The following SMURF1 variants were observed in gnomAD, a reference collection of about 807,000 sequenced individuals.
The protein encoded by SMURF1 is SMAD specific E3 ubiquitin protein ligase 1.
A neutral mutation model predicts 98.0 loss-of-function variants in SMURF1; 44 were observed. The ratio of observed to expected loss-of-function variants is 0.45; its 90% confidence interval spans 0.35 to 0.58. The LOEUF (loss-of-function observed/expected upper bound fraction) is 0.58. Ranked by LOEUF, SMURF1 falls within the 20% of genes least tolerant of loss-of-function variation. The pLI, the probability that SMURF1 is intolerant of heterozygous loss-of-function variation, is 0.00. For missense variants in SMURF1, 687 were observed against 938.4 expected, an observed-to-expected ratio of 0.73 and a Z score of 3.50; for synonymous variants, 396 against 374.9, an observed-to-expected ratio of 1.06 and a Z score of -0.65.
At chr7:99,032,964 C>CAAAAAAAAAACGTGAACGTCA in intron 17 of SMURF1, 73 bp downstream of exon 17, 4 of 1,308,774 alleles carry the variant, frequency 3.1e-6, no homozygotes, top group Non-Finnish European at 4.2e-6. Context: ...AAAAAAACAA[C>CAAAAAAAAAACGTGAACGTCA]AAAAAAAAAA....
At chr7:99,075,544 G>T (rs932987558) in intron 1 of SMURF1, among the ~76,000 whole-genome samples, 11 of 152,066 alleles carry the variant, frequency 7.2e-5, no homozygotes, top group African/African-American at 1.7e-4. Context: ...TAACCTGTGG[G>T]GTCTTTGCTA....
intron 1 of SMURF1, among the ~76,000 whole-genome samples, chr7:99,112,298 T>TAC (rs1187222073): frequency 6.6e-6 from 1 of 152,186 alleles, no homozygotes; most frequent in African/African-American, 2.4e-5. Context: ...CCTCACAACA[T>TAC]ACACACAGCC....
chr7:99,052,078 T>G, intron 7 of SMURF1, 127 bp downstream of exon 7: 1 of 1,321,312 alleles, frequency 7.6e-7, no homozygotes, highest in East Asian at 2.5e-5. Context: ...AAGGCTGCCG[T>G]GAGCCATGAT....
chr7:99,062,284 GA>G (rs942640750), intron 1 of SMURF1, among the ~76,000 whole-genome samples: 4 of 151,984 alleles, frequency 2.6e-5, no homozygotes, highest in Admixed American at 2.0e-4. Flanking sequence ...TTTTTGTAGA[GA>G]TAGGGCCACT....
chr7:99,040,437 G>A lies in SMURF1; in HGVS notation c.1491C>T (p.Ile497=). Residue 497 remains isoleucine (I), a synonymous_variant, in exon 13 of 18, where the codon ATC becomes ATT. Coordinates refer to ENST00000361368, the MANE Select transcript of SMURF1 (RefSeq NM_181349.3). The stretch of plus-strand genomic sequence containing the variant: ...CCACAGATTCCAGATCTGAGAGCTG[G>A]ATGGGCTTCCCCAGCAGCTGCTTGT... ...PFYKQLLGKP[I]QLSDLESVDP... 6.3e-7 allele frequency: 1 copy of A among 1,594,634 alleles called. No homozygotes were observed. The highest frequency in any genetic ancestry group is 8.5e-7 in the Non-Finnish European group (1 of 1,170,366).
At chr7:99,060,393 AAAAAG>A (rs1340766859) in intron 3 of SMURF1, among the ~76,000 whole-genome samples, 2 of 151,580 alleles carry the variant, frequency 1.3e-5, no homozygotes, top group Non-Finnish European at 2.9e-5. Context: ...AAAAAAAAAA[AAAAAG>A]AAAAAAGAAA....
At chr7:99,104,788 A>G (rs1584184316) in intron 1 of SMURF1, among the ~76,000 whole-genome samples, 1 of 152,194 alleles carries the variant, frequency 6.6e-6, no homozygotes, top group East Asian at 1.9e-4. Context: ...AGTAGGAATG[A>G]TTGGAAGCTG....
intron 1 of SMURF1, among the ~76,000 whole-genome samples, chr7:99,111,567 A>T (rs1797323973): frequency 6.6e-6 from 1 of 152,252 alleles, no homozygotes; most frequent in African/African-American, 2.4e-5. Context: ...AAAAACAATG[A>T]ATAACTGGCA....
chr7:99,082,729 G>C (rs1438478161), intron 1 of SMURF1, among the ~76,000 whole-genome samples: 1 of 152,130 alleles, frequency 6.6e-6, no homozygotes, highest in Non-Finnish European at 1.5e-5. Context: ...ATTTTAATCA[G>C]CTTGTCAAAT....
chr7:99,136,677 G>A (rs1797999980), intron 1 of SMURF1, among the ~76,000 whole-genome samples: 1 of 152,206 alleles, frequency 6.6e-6, no homozygotes, highest in Admixed American at 6.5e-5. Context: ...CTGGCTAGGT[G>A]CAGTGGCTCA....
intron 1 of SMURF1, among the ~76,000 whole-genome samples, chr7:99,120,299 TA>T (rs1211301667): frequency 1.3e-5 from 2 of 152,226 alleles, no homozygotes; most frequent in East Asian, 3.8e-4. Flanking sequence ...GGTATTTCTT[TA>T]TAGTAATGCA....
intron 1 of SMURF1, among the ~76,000 whole-genome samples, chr7:99,143,243 G>A (rs920320220): frequency 3.0e-5 from 4 of 131,794 alleles, no homozygotes; most frequent in African/African-American, 1.1e-4. Context: ...AGGGATGGAG[G>A]TGAAAGGCAA....
intron 5 of SMURF1, among the ~76,000 whole-genome samples, chr7:99,056,675 C>T (rs929390889): frequency 3.3e-5 from 5 of 152,122 alleles, no homozygotes; most frequent in African/African-American, 9.7e-5. Context: ...CTAAATCTTT[C>T]TGTACCCGAG....
intron 1 of SMURF1, among the ~76,000 whole-genome samples, chr7:99,120,023 A>G (rs2150620234): frequency 6.6e-6 from 1 of 152,308 alleles, no homozygotes; most frequent in Non-Finnish European, 1.5e-5. Flanking sequence ...TCATGGGCAC[A>G]GACCCCTCAT....
intron 1 of SMURF1, among the ~76,000 whole-genome samples, chr7:99,106,051 A>AT (rs1435230133): frequency 6.6e-6 from 1 of 152,166 alleles, no homozygotes; most frequent in Non-Finnish European, 1.5e-5. Flanking sequence ...GCTGGAATCA[A>AT]TCTGCCTCTC....
rs534401612 is a variant in SMURF1 at position 99,097,397 on chromosome 7, A to G, written c.56-35560T>C. On this transcript the variant is annotated intron_variant, in intron 1 of 17. Coordinates refer to ENST00000361368, the MANE Select transcript of SMURF1 (RefSeq NM_181349.3). ...AGTAAATGTTGGAAACTTCATCTTC[A>G]ATGCAACTGTGCTGGGAGGTGGACC... 1.0e-3 allele frequency among the ~76,000 whole-genome samples: 157 copies of G among 152,302 alleles called. 3 individuals are homozygous for G. The South Asian group carries it at 0.026, about 26-fold the overall frequency.
chr7:99,112,377 G>A (rs1259756023), intron 1 of SMURF1, among the ~76,000 whole-genome samples: 1 of 152,190 alleles, frequency 6.6e-6, no homozygotes, highest in Non-Finnish European at 1.5e-5. Flanking sequence ...AATCTCTAGT[G>A]ATTCATCAGC....
At chr7:99,097,423 T>A (rs140064250) in intron 1 of SMURF1, among the ~76,000 whole-genome samples, 3 of 152,204 alleles carry the variant, frequency 2.0e-5, no homozygotes, top group African/African-American at 7.2e-5. Context: ...GAGGTGGACC[T>A]CATGGGAGAT....
In SMURF1 at chr7:99,067,179, G is replaced by A. The variant is rs1476769553; in HGVS notation, c.56-5342C>T. On this transcript the variant is annotated intron_variant, in intron 1 of 17. Transcript: ENST00000361368. Reference sequence around the variant, plus strand: ...TGCCCGGCTAATTTTTTTATTTTTAGTAGAGACGGGGTTTCACCATATTGG... The same window carrying A: ...TGCCCGGCTAATTTTTTTATTTTTAATAGAGACGGGGTTTCACCATATTGG... 2.0e-5 allele frequency among the ~76,000 whole-genome samples: 3 copies of A among 151,474 alleles called. No homozygotes were observed. The East Asian group carries it at 5.8e-4, about 30-fold the overall frequency.
Sources: gnomAD v4.1 joint callset for allele counts (sites outside exome capture counted in the v4.1 genomes callset) on GRCh38, gnomAD v4.1.1 for gene constraint, MANE v1.5 for transcripts, NCBI Gene and HGNC (gene_info 2026-07-23, HGNC 2026-07-21) for gene names.